MARCHF3: variants seen among roughly 807,000 people sequenced by gnomAD.
MARCHF3 encodes membrane associated ring-CH-type finger 3.
Under a neutral mutation model 24.2 loss-of-function variants are expected in MARCHF3, and 13 were observed. The ratio of observed to expected loss-of-function variants is 0.54; its 90% CI spans 0.35 to 0.85. MARCHF3 has a LOEUF of 0.85. MARCHF3 is among the 40% of genes least tolerant of loss of function. The pLI is 0.01. For synonymous variants in MARCHF3, 144 were observed against 137.3 expected (o/e 1.05, Z -0.34); for missense variants, 276 against 325.0 (o/e 0.85, Z 1.16).
At chr5:126,911,988 T>C (rs542251436) in intron 3 of MARCHF3, among the ~76,000 whole-genome samples, 4 of 152,344 alleles carry the variant, frequency 2.6e-5, no homozygotes, top group Admixed American at 1.3e-4. Flanking sequence ...CTCAGAGAAG[T>C]TGAACCAACC....
chr5:126,902,259 G>A (rs947562996), intron 3 of MARCHF3, among the ~76,000 whole-genome samples: 6 of 152,094 alleles, frequency 3.9e-5, no homozygotes, highest in African/African-American at 1.4e-4. Context: ...TCTGGGTAGT[G>A]AATACACACC....
intron 4 of MARCHF3, among the ~76,000 whole-genome samples, chr5:126,872,279 C>G (rs1283844784): frequency 6.6e-6 from 1 of 151,676 alleles, no homozygotes; most frequent in Non-Finnish European, 1.5e-5. Context: ...AGGCTGGTCT[C>G]GAACTCCCGA....
Position 126,926,547 on chromosome 5 carries a change from TC to T in MARCHF3, c.-56-8321del, listed in dbSNP as rs375718246. Among the ~76,000 whole-genome samples, 90 of 152,306 alleles carry T rather than the reference TC, an allele frequency of 5.9e-4. No individual in the cohort carries two copies. The East Asian group carries it at 9.5e-3, about 16-fold the overall frequency. ...ATCATATGCTACATAATACCAAACG[TC>T]CTCAAAACACCAATTGTTCTTTCAT... On this transcript the variant is annotated intron_variant, in intron 1 of 4. Transcript: ENST00000308660.
intron 1 of MARCHF3, among the ~76,000 whole-genome samples, chr5:126,984,709 C>T (rs2126838423): frequency 6.6e-6 from 1 of 152,308 alleles, no homozygotes; most frequent in Admixed American, 6.5e-5. Context: ...TCCCTGAAAG[C>T]CAAGCCACAG....
At chr5:126,900,321 T>C (rs1688067573) in intron 3 of MARCHF3, among the ~76,000 whole-genome samples, 1 of 152,058 alleles carries the variant, frequency 6.6e-6, no homozygotes, top group South Asian at 2.1e-4. Context: ...AAAATTCATA[T>C]TTTGAAATCC....
At position 127,003,811 on chromosome 5, in the gene MARCHF3, T is replaced by C. The variant is rs1482171512; in HGVS notation, c.-57+26539A>G. The stretch of plus-strand genomic sequence containing the variant: ...GAGAGGATCCCACAAAAACGTTACA[T>C]TTGTCGTACACAGTTGTGCACAAAT... On this transcript the variant is annotated intron_variant, in intron 1 of 4. Coordinates refer to ENST00000308660, the MANE Select transcript of MARCHF3 (RefSeq NM_178450.5). 9.2e-5 allele frequency among the ~76,000 whole-genome samples: 14 copies of C among 152,212 alleles called. No individual in the cohort carries two copies. In the South Asian group the frequency reaches 2.5e-3, roughly 27 times the overall value.
chr5:127,005,959 T>C (rs894773640), intron 1 of MARCHF3, among the ~76,000 whole-genome samples: 3 of 152,126 alleles, frequency 2.0e-5, no homozygotes, highest in Admixed American at 6.5e-5. Context: ...CCCACCACTT[T>C]GGGAGGCCGA....
intron 1 of MARCHF3, among the ~76,000 whole-genome samples, chr5:126,921,316 A>C (rs1262307757): frequency 6.6e-6 from 1 of 152,074 alleles, no homozygotes; most frequent in Non-Finnish European, 1.5e-5. Context: ...AGAAGAGTGG[A>C]TCTAACCACC....
chr5:126,979,223 C>A (rs1751304254), intron 1 of MARCHF3, among the ~76,000 whole-genome samples: 1 of 152,190 alleles, frequency 6.6e-6, no homozygotes, highest in African/African-American at 2.4e-5. Flanking sequence ...CTTCCTCAAC[C>A]AGACTGCGGC....
intron 2 of MARCHF3, among the ~76,000 whole-genome samples, chr5:126,916,631 C>G (rs1039010029): frequency 6.7e-6 from 1 of 148,732 alleles, no homozygotes; most frequent in Non-Finnish European, 1.5e-5. Flanking sequence ...AACTCTGAAA[C>G]CTGGTTTACA....
chr5:126,902,297 T>A (rs746164281), intron 3 of MARCHF3, among the ~76,000 whole-genome samples: 2 of 152,132 alleles, frequency 1.3e-5, no homozygotes, highest in East Asian at 3.8e-4. Flanking sequence ...TTTGTCCTCT[T>A]CTGTATTTTT....
intron 1 of MARCHF3, among the ~76,000 whole-genome samples, chr5:126,988,039 A>G (rs944608504): frequency 3.3e-5 from 5 of 152,204 alleles, no homozygotes; most frequent in African/African-American, 1.2e-4. Context: ...TTAGTTCAAA[A>G]TAAAAAGTTA....
intron 1 of MARCHF3, among the ~76,000 whole-genome samples, chr5:126,947,885 G>C (rs1360161887): frequency 6.6e-6 from 1 of 152,008 alleles, no homozygotes; most frequent in Non-Finnish European, 1.5e-5. Flanking sequence ...GTTTGGGAGG[G>C]GTGGGGGGGC....
intron 1 of MARCHF3, among the ~76,000 whole-genome samples, chr5:126,928,263 A>G (rs1749360609): frequency 6.6e-6 from 1 of 152,218 alleles, no homozygotes; most frequent in Non-Finnish European, 1.5e-5. Context: ...TGAAAAATAC[A>G]TGTAGCCAGA....
chr5:126,878,854 C>A (rs918133787), intron 3 of MARCHF3, among the ~76,000 whole-genome samples: 7 of 152,188 alleles, frequency 4.6e-5, no homozygotes, highest in African/African-American at 1.7e-4. Flanking sequence ...TGGCTCTTGA[C>A]CAGCTTCTGA....
At chr5:126,999,039 T>C (rs1211025645) in intron 1 of MARCHF3, among the ~76,000 whole-genome samples, 1 of 152,226 alleles carries the variant, frequency 6.6e-6, no homozygotes, top group Admixed American at 6.5e-5. Context: ...CAACTTATTG[T>C]ACTTTACACA....
chr5:126,985,478 T>A (rs1027304811), intron 1 of MARCHF3, among the ~76,000 whole-genome samples: 12 of 150,860 alleles, frequency 8.0e-5, no homozygotes, highest in African/African-American at 2.2e-4. Context: ...TTTATTTTTT[T>A]TTTTTTTTTG....
intron 1 of MARCHF3, among the ~76,000 whole-genome samples, chr5:127,027,902 T>G (rs1753055883): frequency 6.6e-6 from 1 of 152,166 alleles, no homozygotes; most frequent in Non-Finnish European, 1.5e-5. Flanking sequence ...AAATGCAGAT[T>G]CCTAAGGTCC....
At chr5:126,923,926 C>A (rs1289480461) in intron 1 of MARCHF3, among the ~76,000 whole-genome samples, 1 of 151,898 alleles carries the variant, frequency 6.6e-6, no homozygotes, top group East Asian at 1.9e-4. Flanking sequence ...TTCATTTATT[C>A]ATCCTTCCAT....
Sources: allele counts gnomAD v4.1 joint callset (sites outside exome capture counted in the v4.1 genomes callset), GRCh38; gene constraint gnomAD v4.1.1; transcripts MANE v1.5; gene names NCBI Gene and HGNC (gene_info 2026-07-23, HGNC 2026-07-21).